The following TNKS variants were observed in gnomAD, a reference collection of about 807,000 sequenced individuals.
The protein encoded by TNKS is poly [ADP-ribose] polymerase tankyrase-1.
TNKS carries 72 observed loss-of-function variants against 135.8 expected under a neutral mutation model. That is an observed-to-expected ratio of 0.53 (90% CI 0.44 to 0.64). The LOEUF (loss-of-function observed/expected upper bound fraction) is 0.64, where lower values mean the gene tolerates loss of function less well. Among genes scored for constraint, TNKS ranks in the 30% least tolerant of loss-of-function variants. TNKS has a pLI of 0.00. For synonymous variants in TNKS, 849 were observed against 649.3 expected (o/e 1.31, Z -4.68); for missense variants, 1,769 against 1,674.0 (o/e 1.06, Z -0.99).
intron 13 of TNKS, among the ~76,000 whole-genome samples, chr8:9,729,542 G>A (rs544390380): frequency 3.9e-5 from 6 of 152,222 alleles, no homozygotes; most frequent in Admixed American, 1.3e-4. Flanking sequence ...AGGAAAGTAA[G>A]CGATGATGCA....
intron 11 of TNKS, among the ~76,000 whole-genome samples, chr8:9,715,876 A>G (rs1804578148): frequency 6.6e-6 from 1 of 152,162 alleles, no homozygotes; most frequent in Non-Finnish European, 1.5e-5. Context: ...TGAAGACTTT[A>G]TCCTTCATGT....
At position 9,752,531 on chromosome 8, in the gene TNKS, G is replaced by A; in HGVS notation, c.3071-13G>A. ...AATTCTTTCTGAGAATCTTTAATAT[G>A]TTTCTGTTTTAGTTGCTGGTCTTGA... On this transcript the variant is annotated splice_polypyrimidine_tract_variant and intron_variant, in intron 19 of 26. Transcript: ENST00000310430. 1.3e-6 allele frequency: 2 copies of A among 1,598,912 alleles called. No homozygotes were observed. Among genetic ancestry groups the A allele is most frequent in the Non-Finnish European group, 1.7e-6 (2 of 1,169,428 alleles).
chr8:9,678,891 G>A (rs996737603), intron 3 of TNKS, among the ~76,000 whole-genome samples: 1 of 152,100 alleles, frequency 6.6e-6, no homozygotes, highest in African/African-American at 2.4e-5. Context: ...GAGATACTTT[G>A]TATAATTATT....
chr8:9,769,059 T>C (rs1807638466), intron 25 of TNKS, among the ~76,000 whole-genome samples: 1 of 152,232 alleles, frequency 6.6e-6, no homozygotes, highest in Non-Finnish European at 1.5e-5. Flanking sequence ...TTATTGCTTA[T>C]ATTAGAGATT....
Position 9,702,088 on chromosome 8 carries a change from C to G in TNKS, c.1108-2575C>G, listed in dbSNP as rs180804225. ...AATCTGTCCTACACTAAAGGCTGCT[C>G]TGGCCCTGCCTACCAAAGCCTAGAA... On this transcript the variant is annotated intron_variant, in intron 5 of 26. Transcript: ENST00000310430. Among the ~76,000 whole-genome samples the G allele has an allele frequency of 1.1e-4, 17 of 152,322 alleles. No individual in the cohort carries two copies. In the East Asian group the frequency reaches 2.5e-3, roughly 22 times the overall value.
At position 9,781,070 on chromosome 8, in the gene TNKS, T is replaced by C. The variant is rs541725016; in HGVS notation, c.*4334T>C. ...CCTAGAGGAAGCTAATGATTTTATA[T>C]ACTTTGCACGACCAAATATGGTCGT... is the stretch of plus-strand genomic sequence containing the variant. On this transcript the variant is annotated 3_prime_UTR_variant, in exon 27 of 27. Coordinates refer to ENST00000310430, the MANE Select transcript of TNKS (RefSeq NM_003747.3). The C allele has an allele frequency of 6.6e-6, 1 of 152,370 alleles. No individual in the cohort carries two copies. The highest frequency in any genetic ancestry group is 1.9e-4 in the East Asian group (1 of 5,182). 9.4% of individuals were successfully genotyped at this position (152,370 alleles called of 1,614,324 possible).
intron 5 of TNKS, among the ~76,000 whole-genome samples, chr8:9,684,130 C>G (rs537613448): frequency 6.6e-6 from 1 of 152,056 alleles, no homozygotes; most frequent in East Asian, 1.9e-4. Context: ...TTAGTCATAA[C>G]AGTCCACAAT....
At chr8:9,664,990 C>G (rs1801921697) in intron 3 of TNKS, among the ~76,000 whole-genome samples, 1 of 152,194 alleles carries the variant, frequency 6.6e-6, no homozygotes, top group African/African-American at 2.4e-5. Flanking sequence ...ATAGTAACTT[C>G]TTTTTGGAAC....
At chr8:9,589,667 A>G (rs1375013901) in intron 2 of TNKS, among the ~76,000 whole-genome samples, 1 of 152,240 alleles carries the variant, frequency 6.6e-6, no homozygotes, top group Non-Finnish European at 1.5e-5. Flanking sequence ...GGGCCTCACC[A>G]CTATACATAG....
chr8:9,593,499 C>G (rs1014632177), intron 2 of TNKS, among the ~76,000 whole-genome samples: 1 of 152,126 alleles, frequency 6.6e-6, no homozygotes, highest in Non-Finnish European at 1.5e-5. Context: ...TTTAGCTTAG[C>G]TTTTAAAACC....
In TNKS at chr8:9,706,263, A is replaced by T. The variant is rs1368251842; in HGVS notation, c.1269+10A>T. 2 of 1,549,528 alleles carry T rather than the reference A, an allele frequency of 1.3e-6. No homozygotes were observed. Among genetic ancestry groups the T allele is most frequent in the East Asian group, 2.4e-5 (1 of 41,144 alleles). On this transcript the variant is annotated intron_variant, in intron 7 of 26. Coordinates refer to ENST00000310430, the MANE Select transcript of TNKS (RefSeq NM_003747.3). ...AGAACTGCTACTAAAGGTAAGAGAA[A>T]TTCAGAATATTGAGCATCATTTACT...
intron 3 of TNKS, among the ~76,000 whole-genome samples, chr8:9,669,242 C>T (rs953851448): frequency 6.6e-6 from 1 of 151,120 alleles, no homozygotes; most frequent in East Asian, 2.0e-4. Context: ...CAAGGTGAAA[C>T]CCCGTCTCTA....
Position 9,664,519 on chromosome 8 carries a change from C to T in TNKS, c.995-15432C>T, listed in dbSNP as rs141724229. On this transcript the variant is annotated intron_variant, in intron 3 of 26. Coordinates refer to ENST00000310430, the MANE Select transcript of TNKS (RefSeq NM_003747.3). The stretch of plus-strand genomic sequence containing the variant: ...AGGCACAAACATTCAAACTGTAGCA[C>T]GTTAACATATAAAAATGTACTTATC... Among the ~76,000 whole-genome samples, 5 of 152,256 alleles carry T rather than the reference C, an allele frequency of 3.3e-5. No homozygotes were observed. The East Asian group carries it at 5.8e-4, about 18-fold the overall frequency.
At chr8:9,675,438 C>T (rs1802493463) in intron 3 of TNKS, among the ~76,000 whole-genome samples, 1 of 152,142 alleles carries the variant, frequency 6.6e-6, no homozygotes, top group African/African-American at 2.4e-5. Flanking sequence ...TACTTCTTCC[C>T]TTGAGATGCT....
At chr8:9,742,878 C>T in intron 17 of TNKS, among the ~76,000 whole-genome samples, 1 of 151,340 alleles carries the variant, frequency 6.6e-6, no homozygotes, top group Non-Finnish European at 1.5e-5. Context: ...CTAATATTAA[C>T]ACAATATAAA....
chr8:9,676,006 ATTTTTTTTTT>A (rs760646836), intron 3 of TNKS, among the ~76,000 whole-genome samples: 3 of 130,842 alleles, frequency 2.3e-5, no homozygotes, highest in African/African-American at 5.8e-5. Flanking sequence ...AAAAGTCAGA[ATTTTTTTTTT>A]TTTTTTTTTT....
At position 9,663,915 on chromosome 8, in the gene TNKS, C is replaced by A. The variant is rs568291456; in HGVS notation, c.995-16036C>A. ...CTTTCAACCCTGTCCCTTGGGGTTT[C>A]TCTGGAGGCTTCACTGTGGCCAATT... On this transcript the variant is annotated intron_variant, in intron 3 of 26. Transcript: ENST00000310430. Among the ~76,000 whole-genome samples, 4 of 152,284 alleles carry A rather than the reference C, an allele frequency of 2.6e-5. No homozygotes were observed. The East Asian group carries it at 7.7e-4, about 29-fold the overall frequency.
intron 2 of TNKS, among the ~76,000 whole-genome samples, chr8:9,608,141 A>T (rs145140959): frequency 1.3e-5 from 2 of 152,026 alleles, no homozygotes; most frequent in Admixed American, 1.3e-4. Flanking sequence ...AGGTCTCCCT[A>T]TGTTGCCCAG....
At chr8:9,614,931 A>G (rs1799584378) in intron 2 of TNKS, among the ~76,000 whole-genome samples, 1 of 152,206 alleles carries the variant, frequency 6.6e-6, no homozygotes, top group Non-Finnish European at 1.5e-5. Flanking sequence ...CAGGCATTAC[A>G]TTCGTGCCTT....
Sources: gnomAD v4.1 joint callset for allele counts (sites outside exome capture counted in the v4.1 genomes callset) on GRCh38, gnomAD v4.1.1 for gene constraint, MANE v1.5 for transcripts, NCBI Gene and HGNC (gene_info 2026-07-23, HGNC 2026-07-21) for gene names.